The following ULK3 variants were observed in gnomAD, a reference collection of about 807,000 sequenced individuals.
The protein encoded by ULK3 is unc-51 like kinase 3.
In ULK3, 54 loss-of-function variants were observed where a neutral mutation model predicts 69.4. The observed-to-expected ratio is 0.78, with a 90% CI of 0.63 to 0.98. The LOEUF (loss-of-function observed/expected upper bound fraction) is 0.98. ULK3 is among the 50% of genes least tolerant of loss of function. The pLI is 0.00. For synonymous variants in ULK3, 240 were observed against 254.5 expected, an observed-to-expected ratio of 0.94 and a Z score of 0.54; for missense variants, 558 against 627.7, an observed-to-expected ratio of 0.89 and a Z score of 1.19.
chr15:74,840,546 G>C lies in ULK3; in HGVS notation c.565C>G (p.Gln189Glu), dbSNP rs769937204. ...YMAPEMVCQR[Q>E]YDARVDLWSM... ...CAGAGGTCCACGCGGGCGTCATACTGCCGCTGGCACACCATCTCGGGGGCC... is the reference window on the plus strand; with the variant it reads ...CAGAGGTCCACGCGGGCGTCATACTCCCGCTGGCACACCATCTCGGGGGCC... The change falls in exon 5 of 16, where the codon CAG becomes GAG. Residue 189 changes from glutamine (Q) to glutamate (E), a missense_variant. Coordinates refer to ENST00000440863, the MANE Select transcript of ULK3 (RefSeq NM_001099436.4). 1 of 1,610,762 alleles carries C rather than the reference G, an allele frequency of 6.2e-7. No homozygotes were observed. Among genetic ancestry groups the C allele is most frequent in the African/African-American group, 1.3e-5 (1 of 74,926 alleles).
At position 74,843,129 on chromosome 15, in the gene ULK3, G is replaced by C; in HGVS notation, c.-24C>G. The C allele has an allele frequency of 8.0e-7, 1 of 1,245,090 alleles. No individual in the cohort carries two copies. Among genetic ancestry groups the C allele is most frequent in the Non-Finnish European group, 1.0e-6 (1 of 987,582 alleles). 77.1% of individuals were successfully genotyped at this position (1,245,090 alleles called of 1,614,324 possible). A position where few individuals can be genotyped will look rare whatever the true frequency, so the allele number is the denominator to read the frequency against. On this transcript the variant is annotated 5_prime_UTR_variant, in exon 1 of 16. Transcript: ENST00000440863. ...ATTCCGGCCGCCTGCGCCCGCGCGG[G>C]CGCTTCCTCGCTGCGGGCGGCGGTT...
rs1330979710 is a variant in ULK3 at position 74,842,784 on chromosome 15, T to C, written c.102+220A>G. The stretch of plus-strand genomic sequence containing the variant: ...TCCCAGCCCACCAGGTAACCTGTTT[T>C]GAGCCTGTTCTTCAGCCACTGACCC... On this transcript the variant is annotated intron_variant, in intron 1 of 15. Coordinates refer to ENST00000440863, the MANE Select transcript of ULK3 (RefSeq NM_001099436.4). This position sits in a 1 kb window ranked among gnomAD's most constrained non-coding sequence, Gnocchi z 4.9. 1.6e-5 allele frequency: 23 copies of C among 1,475,822 alleles called. No individual in the cohort carries two copies. In the East Asian group the frequency reaches 5.2e-4, roughly 33 times the overall value. The allele number at this position is 1,475,822 out of a possible 1,614,324, so 91.4% of individuals were successfully genotyped here. A position where few individuals can be genotyped will look rare whatever the true frequency, so the allele number is the denominator to read the frequency against.
chr15:74,841,551 T>G (rs1350216125), intron 3 of ULK3, 42 bp from the exon 4 acceptor site: 1 of 1,562,898 alleles, frequency 6.4e-7, no homozygotes, highest in South Asian at 1.1e-5. Context: ...TCAGAGCCCA[T>G]TCCCGCCTGC....
chr15:74,840,029 A>G (rs1486750569), intron 6 of ULK3, among the ~76,000 whole-genome samples: 1 of 152,138 alleles, frequency 6.6e-6, no homozygotes, highest in Non-Finnish European at 1.5e-5. Flanking sequence ...GGGCCTGCAA[A>G]ATGGGCACTG....
In ULK3 at chr15:74,840,475, G is replaced by C. The variant is rs373004411; in HGVS notation, c.613+23C>G. 14 of 1,595,472 alleles carry C rather than the reference G, an allele frequency of 8.8e-6. No individual in the cohort carries two copies. In the African/African-American group the frequency reaches 1.9e-4, roughly 21 times the overall value. Reference sequence around the variant, plus strand: ...GAGGAAACTGTAGGCCTCAGGGTGAGAAGCAGGGAAAAGAGGTCTCACCAT... The same window carrying C: ...GAGGAAACTGTAGGCCTCAGGGTGACAAGCAGGGAAAAGAGGTCTCACCAT... On this transcript the variant is annotated intron_variant, in intron 5 of 15. Transcript: ENST00000440863.
At chr15:74,840,157 G>T (rs1215060060) in intron 6 of ULK3, 77 bp downstream of exon 6, 15 of 1,504,946 alleles carry the variant, frequency 1.0e-5, no homozygotes, top group Non-Finnish European at 1.3e-5. Flanking sequence ...GTCTCTGCAG[G>T]TCAGAACGAG....
intron 6 of ULK3, 45 bp from the exon 7 acceptor site, chr15:74,839,758 C>T (rs930700061): frequency 1.4e-6 from 2 of 1,477,762 alleles, no homozygotes; most frequent in African/African-American, 2.8e-5. Flanking sequence ...TGGGCTCCTC[C>T]ACCCCTACCC....
rs2064313026 is a variant in ULK3 at position 74,842,868 on chromosome 15, C to T, written c.102+136G>A. ...AAGCGTGGCAGTCGGCTCCAACCTC[C>T]GCCGAGGGTCAGCTGGGGCGAGGCC... On this transcript the variant is annotated intron_variant, in intron 1 of 15. Transcript: ENST00000440863. The surrounding 1 kb of genome is among the most constrained non-coding windows in gnomAD (Gnocchi z 4.9). The T allele has an allele frequency of 4.5e-6, 6 of 1,321,036 alleles. No individual in the cohort carries two copies. The highest frequency in any genetic ancestry group is 2.5e-5 in the East Asian group (1 of 39,376). The allele number at this position is 1,321,036 out of a possible 1,614,324, so 81.8% of individuals were successfully genotyped here.
intron 3 of ULK3, 142 bp from the exon 4 acceptor site, chr15:74,841,651 A>G: frequency 1.4e-6 from 1 of 705,390 alleles, no homozygotes; most frequent in Non-Finnish European, 2.4e-6. Context: ...TATAAGCACC[A>G]AGATCACACC....
chr15:74,842,591 G>C lies in ULK3; in HGVS notation c.103-171C>G, dbSNP rs1396427546. The C allele has an allele frequency of 7.7e-6, 12 of 1,557,802 alleles. No homozygotes were observed. In the East Asian group the frequency reaches 2.1e-4, roughly 28 times the overall value. ...TTCCCTTGTGAGGCCAGTGAGGAATGCTGATTCTGGAATCCTGGCTTCCCG... is the reference window on the plus strand; with the variant it reads ...TTCCCTTGTGAGGCCAGTGAGGAATCCTGATTCTGGAATCCTGGCTTCCCG... On this transcript the variant is annotated intron_variant, in intron 1 of 15. Coordinates refer to ENST00000440863, the MANE Select transcript of ULK3 (RefSeq NM_001099436.4). This position sits in a 1 kb window ranked among gnomAD's most constrained non-coding sequence, Gnocchi z 4.9.
chr15:74,840,412 T>G (rs2064203518), intron 5 of ULK3, 86 bp downstream of exon 5: 1 of 1,565,148 alleles, frequency 6.4e-7, no homozygotes, highest in African/African-American at 1.4e-5. Flanking sequence ...TCAGTTTTCA[T>G]CAGAACCCTT....
Position 74,836,922 on chromosome 15 carries a change from T to C in ULK3, c.*306A>G, listed in dbSNP as rs1387245400. On this transcript the variant is annotated 3_prime_UTR_variant, in exon 16 of 16. Transcript: ENST00000440863. The surrounding 1 kb of genome is among the most constrained non-coding windows in gnomAD (Gnocchi z 4.0). ...CTCGGAGCCAAAAATGATAGAGGGC[T>C]GCATGCCCCAAAACGGACAGGCACA... is the stretch of plus-strand genomic sequence containing the variant. 10 of 323,822 alleles carry C rather than the reference T, an allele frequency of 3.1e-5. No individual in the cohort carries two copies. The highest frequency in any genetic ancestry group is 2.7e-4 in the Admixed American group (6 of 22,578). 20.1% of individuals were successfully genotyped at this position (323,822 alleles called of 1,614,324 possible). A position where few individuals can be genotyped will look rare whatever the true frequency, so the allele number is the denominator to read the frequency against.
chr15:74,840,812 G>A, intron 4 of ULK3, 171 bp from the exon 5 acceptor site: 2 of 890,064 alleles, frequency 2.2e-6, no homozygotes, highest in Non-Finnish European at 3.3e-6. Context: ...TGCCTCTGGG[G>A]TATAAAACCT....
Position 74,836,422 on chromosome 15 carries a change from AGAAGTGGGT to A in ULK3, c.*797_*805del, listed in dbSNP as rs1359461320. On this transcript the variant is annotated 3_prime_UTR_variant, in exon 16 of 16. Coordinates refer to ENST00000440863, the MANE Select transcript of ULK3 (RefSeq NM_001099436.4). The surrounding 1 kb of genome is among the most constrained non-coding windows in gnomAD (Gnocchi z 4.0). ...GGCTCCACGGCGGCAGGGCAGGCCTAGAAGTGGGTGGCCTAGAGGGCACTGGGTCAGACT... is the reference window on the plus strand; with the variant it reads ...GGCTCCACGGCGGCAGGGCAGGCCTAGGCCTAGAGGGCACTGGGTCAGACT... The A allele has an allele frequency of 6.6e-6, 1 of 152,230 alleles. No homozygotes were observed. Among genetic ancestry groups the A allele is most frequent in the Admixed American group, 6.5e-5 (1 of 15,282 alleles). The allele number at this position is 152,230 out of a possible 1,614,324, so 9.4% of individuals were successfully genotyped here. A position where few individuals can be genotyped will look rare whatever the true frequency, so the allele number is the denominator to read the frequency against.
intron 5 of ULK3, 23 bp downstream of exon 5, chr15:74,840,475 G>A (rs373004411): frequency 1.9e-6 from 3 of 1,595,590 alleles, no homozygotes; most frequent in Non-Finnish European, 2.6e-6. Flanking sequence ...CTCAGGGTGA[G>A]AAGCAGGGAA....
At position 74,842,979 on chromosome 15, in the gene ULK3, C is replaced by T. The variant is rs921304214; in HGVS notation, c.102+25G>A. 6.5e-6 allele frequency: 10 copies of T among 1,543,504 alleles called. 1 individual carries two copies. In the South Asian group the frequency reaches 1.2e-4, roughly 18 times the overall value. The stretch of plus-strand genomic sequence containing the variant: ...CACCAGCCGAGCTAGCTCGGGCGGG[C>T]ACGGGGCCATCGGCCGGCACCCACC... On this transcript the variant is annotated intron_variant, in intron 1 of 15. Transcript: ENST00000440863. This position sits in a 1 kb window ranked among gnomAD's most constrained non-coding sequence, Gnocchi z 4.9.
Position 74,838,664 on chromosome 15 carries a change from A to C in ULK3, c.1081T>G (p.Ser361Ala), listed in dbSNP as rs369507004. The change falls in exon 10 of 16, where the codon TCT becomes GCT. Residue 361 changes from serine to alanine, a missense_variant. Transcript: ENST00000440863. ...SNQALLRQGT[S>A]ARDLLREMAR... ...CTACCTCTGAGCAGGTCTCGGGCAG[A>C]GGTCCCCTGCCTCAGCAGGGCCTGA... 6.2e-7 allele frequency: 1 copy of C among 1,611,968 alleles called. No homozygotes were observed. Among genetic ancestry groups the C allele is most frequent in the Non-Finnish European group, 8.5e-7 (1 of 1,178,938 alleles).
At position 74,840,287 on chromosome 15, in the gene ULK3, A is replaced by G; in HGVS notation, c.643T>C (p.Ser215Pro). The change falls in exon 6 of 16, where the codon TCC becomes CCC. Residue 215 changes from serine to proline, a missense_variant. By Grantham distance (74) the Ser-to-Pro change is moderately conservative (BLOSUM62 -1). Coordinates refer to ENST00000440863, the MANE Select transcript of ULK3 (RefSeq NM_001099436.4). ...TCTTCCAGCTCCGAGAACGACCTGG[A>G]GGCAAAGGGGGGCTGCCCGAAGAGG... ...EALFGQPPFA[S>P]RSFSELEEKI... The G allele has an allele frequency of 6.2e-7, 1 of 1,611,052 alleles. No individual in the cohort carries two copies.
Position 74,839,701 on chromosome 15 carries a change from G to A in ULK3, c.709C>T (p.Pro237Ser). 1.9e-6 allele frequency: 3 copies of A among 1,547,544 alleles called. No individual in the cohort carries two copies. The highest frequency in any genetic ancestry group is 2.4e-5 in the South Asian group (2 of 82,896). ...SNRVIELPLR[P>S]LLSRDCRDLL... ...TCCCGGCAGTCTCGGGAGAGCAGGG[G>A]CCGCAAGGGGAGCTGCAGGGAAGGG... Residue 237 changes from proline to serine, a missense_variant, in exon 7 of 16, where the codon CCC becomes TCC. Transcript: ENST00000440863.
Sources: allele counts gnomAD v4.1 joint callset (sites outside exome capture counted in the v4.1 genomes callset), GRCh38; gene constraint gnomAD v4.1.1; non-coding constraint Gnocchi (gnomAD v3.1); transcripts MANE v1.5; gene names NCBI Gene and HGNC (gene_info 2026-07-23, HGNC 2026-07-21).